ITGA6: variants seen among roughly 807,000 people sequenced by gnomAD.
ITGA6 encodes integrin subunit alpha 6, also known as integrin alpha-6.
Under a neutral mutation model 133.6 loss-of-function variants are expected in ITGA6, and 63 were observed. The ratio of observed to expected loss-of-function variants is 0.47; its 90% CI spans 0.38 to 0.58. ITGA6 has a LOEUF of 0.58. Among genes scored for constraint, ITGA6 ranks in the 20% least tolerant of loss-of-function variants. ITGA6 has a pLI of 0.00. For missense variants in ITGA6, 1,068 were observed against 1,309.4 expected, an observed-to-expected ratio of 0.82 and a Z score of 2.85; for synonymous variants, 434 against 482.0, an observed-to-expected ratio of 0.90 and a Z score of 1.30.
Position 172,504,466 on chromosome 2 carries a change from C to T in ITGA6, c.*398C>T. On this transcript the variant is annotated 3_prime_UTR_variant, in exon 26 of 26. Coordinates refer to ENST00000684293, the MANE Select transcript of ITGA6 (RefSeq NM_000210.4). Reference sequence around the variant, plus strand: ...TTTAAAACTGTTGGAATGGATTTTTCTTTAACTGCCGTAATTTAACTTTCT... The same window carrying T: ...TTTAAAACTGTTGGAATGGATTTTTTTTTAACTGCCGTAATTTAACTTTCT... The T allele has an allele frequency of 4.9e-6, 2 of 410,546 alleles. No individual in the cohort carries two copies. The highest frequency in any genetic ancestry group is 6.8e-4 in the Middle Eastern group (1 of 1,472). 25.4% of individuals were successfully genotyped at this position (410,546 alleles called of 1,614,324 possible). A position where few individuals can be genotyped will look rare whatever the true frequency, so the allele number is the denominator to read the frequency against.
Position 172,491,672 on chromosome 2 carries a change from C to A in ITGA6, c.2988+149C>A. 1 of 692,796 alleles carries A rather than the reference C, an allele frequency of 1.4e-6. No individual in the cohort carries two copies. Among genetic ancestry groups the A allele is most frequent in the Non-Finnish European group, 2.6e-6 (1 of 381,050 alleles). 42.9% of individuals were successfully genotyped at this position (692,796 alleles called of 1,614,324 possible). Reference sequence around the variant, plus strand: ...TGTCTTAAGGTACTGGCACTGCAAGCTGTATTTTAATAGAATCATTGAAAA... The same window carrying A: ...TGTCTTAAGGTACTGGCACTGCAAGATGTATTTTAATAGAATCATTGAAAA... On this transcript the variant is annotated intron_variant, in intron 23 of 25. Transcript: ENST00000684293. The surrounding 1 kb of genome is among the most constrained non-coding windows in gnomAD (Gnocchi z 4.4).
At chr2:172,489,282 T>G (rs867204739) in intron 19 of ITGA6, among the ~76,000 whole-genome samples, 6 of 152,266 alleles carry the variant, frequency 3.9e-5, no homozygotes, top group Middle Eastern at 3.2e-3. Context: ...AGTTGTCCTT[T>G]GACCTTTTTG....
intron 1 of ITGA6, among the ~76,000 whole-genome samples, chr2:172,458,845 T>C (rs1685316788): frequency 6.6e-6 from 1 of 152,102 alleles, no homozygotes; most frequent in African/African-American, 2.4e-5. Context: ...TTTGGGAACA[T>C]GTTAAACCCA....
intron 23 of ITGA6, chr2:172,495,497 C>T (rs1687089973): frequency 6.6e-6 from 1 of 152,202 alleles, no homozygotes; most frequent in Non-Finnish European, 1.5e-5. Context: ...CCCTTGTTCT[C>T]AATCCCAGCT....
intron 23 of ITGA6, among the ~76,000 whole-genome samples, chr2:172,493,232 A>G (rs1686995730): frequency 6.6e-6 from 1 of 152,138 alleles, no homozygotes; most frequent in South Asian, 2.1e-4. Flanking sequence ...CCTGAGACAA[A>G]TGCTGTACTG....
intron 1 of ITGA6, among the ~76,000 whole-genome samples, chr2:172,440,211 TAAGAAC>T (rs776528949): frequency 2.6e-5 from 4 of 152,218 alleles, no homozygotes; most frequent in Non-Finnish European, 5.9e-5. Context: ...GTGAGCTTCT[TAAGAAC>T]AAGGCTGACA....
chr2:172,462,725 T>A (rs905019326), intron 1 of ITGA6, among the ~76,000 whole-genome samples: 4 of 152,124 alleles, frequency 2.6e-5, no homozygotes, highest in African/African-American at 9.7e-5. Flanking sequence ...GGCATGTAAA[T>A]GGGACAACCT....
chr2:172,497,483 CAG>C (rs1253512694), intron 23 of ITGA6, among the ~76,000 whole-genome samples: 1 of 128,732 alleles, frequency 7.8e-6, no homozygotes, highest in Non-Finnish European at 1.6e-5. Flanking sequence ...ACCTGGGCAA[CAG>C]AGTGAGACCC....
At chr2:172,473,931 G>C in intron 5 of ITGA6, 124 bp from the exon 6 acceptor site, 2 of 652,546 alleles carry the variant, frequency 3.1e-6, no homozygotes, top group Non-Finnish European at 5.5e-6. Flanking sequence ...GTGATAGCTG[G>C]TGGGAGGGTC....
At chr2:172,467,632 A>G in intron 3 of ITGA6, 72 bp downstream of exon 3, 1 of 1,127,428 alleles carries the variant, frequency 8.9e-7, no homozygotes. Context: ...GGCTTACAGC[A>G]GGGGACAGCA....
intron 9 of ITGA6, 102 bp from the exon 10 acceptor site, chr2:172,479,539 T>C (rs1686334649): frequency 1.1e-6 from 1 of 942,194 alleles, no homozygotes; most frequent in Admixed American, 1.7e-5. Context: ...TCCTGTGTTT[T>C]TAAGCTGTGC....
chr2:172,455,052 G>A lies in ITGA6; in HGVS notation c.183-10487G>A, dbSNP rs555390307. Among the ~76,000 whole-genome samples the A allele has an allele frequency of 6.6e-5, 10 of 152,348 alleles. No homozygotes were observed. In the South Asian group the frequency reaches 1.0e-3, roughly 16 times the overall value. ...AACAGATCCTCCCCTACAACCTTTA[G>A]GAAGGAATGCAGCCAAGTGAGACCT... On this transcript the variant is annotated intron_variant, in intron 1 of 25. Coordinates refer to ENST00000684293, the MANE Select transcript of ITGA6 (RefSeq NM_000210.4).
At position 172,480,003 on chromosome 2, in the gene ITGA6, T is replaced by A; in HGVS notation, c.1501T>A (p.Ser501Thr). 6.3e-7 allele frequency: 1 copy of A among 1,595,692 alleles called. No individual in the cohort carries two copies. Among genetic ancestry groups the A allele is most frequent in the Non-Finnish European group, 8.6e-7 (1 of 1,163,218 alleles). The change falls in exon 11 of 26, where the codon TCC becomes ACC. Residue 501 changes from serine (S) to threonine (T), a missense_variant. Physicochemically the swap from Ser to Thr is moderately conservative, Grantham distance 58 (BLOSUM62 1). Coordinates refer to ENST00000684293, the MANE Select transcript of ITGA6 (RefSeq NM_000210.4). ...APSGICLQVK[S>T]CFEYTANPAG... Reference sequence around the variant, plus strand: ...GATTTTATTCAGCCTCCAGGTTAAATCCTGTTTTGAATATACTGCTAACCC... The same window carrying A: ...GATTTTATTCAGCCTCCAGGTTAAAACCTGTTTTGAATATACTGCTAACCC...
intron 1 of ITGA6, chr2:172,428,196 A>G: frequency 3.7e-6 from 1 of 270,866 alleles, no homozygotes; most frequent in African/African-American, 2.2e-5. Flanking sequence ...CCCGAGGGCT[A>G]GGCTGGGCCC....
chr2:172,476,643 T>C, intron 9 of ITGA6, 130 bp downstream of exon 9: 2 of 696,174 alleles, frequency 2.9e-6, no homozygotes, highest in Non-Finnish European at 5.3e-6. Flanking sequence ...CTATTTCTTT[T>C]TCTTTTGAAG....
rs745810797 is a variant in ITGA6 at position 172,427,762 on chromosome 2, C to A, written c.-27C>A. 1.3e-6 allele frequency: 2 copies of A among 1,557,086 alleles called. No homozygotes were observed. Among genetic ancestry groups the A allele is most frequent in the South Asian group, 2.4e-5 (2 of 85,066 alleles). The stretch of plus-strand genomic sequence containing the variant: ...GAGCGCAGGGCGGCCGCTGCAGGTC[C>A]CCGCTCCCCTCCCCGTGCGTCCGCC... On this transcript the variant is annotated 5_prime_UTR_variant, in exon 1 of 26. Coordinates refer to ENST00000684293, the MANE Select transcript of ITGA6 (RefSeq NM_000210.4).
intron 1 of ITGA6, among the ~76,000 whole-genome samples, chr2:172,441,481 A>T: frequency 6.9e-6 from 1 of 144,920 alleles, no homozygotes; most frequent in Admixed American, 7.1e-5. Flanking sequence ...GCCTGAGCCT[A>T]GGAACTCAAG....
chr2:172,427,864 T>A lies in ITGA6; in HGVS notation c.76T>A (p.Leu26Met). The change falls in exon 1 of 26, where the codon TTG becomes ATG. Residue 26 changes from leucine (L) to methionine (M), a missense_variant. Transcript: ENST00000684293. ...GTCCCGGCTCGGCGCAGCCTTCAAC[T>A]TGGACACTCGGGAGGACAACGTGAT... is the stretch of plus-strand genomic sequence containing the variant. The part of the protein sequence containing the change: ...LLSRLGAAFN[L>M]DTREDNVIRK... 6.2e-7 allele frequency: 1 copy of A among 1,607,102 alleles called. No individual in the cohort carries two copies. The highest frequency in any genetic ancestry group is 8.5e-7 in the Non-Finnish European group (1 of 1,177,264).
At chr2:172,433,632 A>C (rs1269525462) in intron 1 of ITGA6, among the ~76,000 whole-genome samples, 1 of 152,218 alleles carries the variant, frequency 6.6e-6, no homozygotes, top group South Asian at 2.1e-4. Context: ...CGGCATGTCT[A>C]GCAAACTTGG....
Sources: allele counts gnomAD v4.1 joint callset (sites outside exome capture counted in the v4.1 genomes callset), GRCh38; gene constraint gnomAD v4.1.1; non-coding constraint Gnocchi (gnomAD v3.1); transcripts MANE v1.5; gene names NCBI Gene and HGNC (gene_info 2026-07-23, HGNC 2026-07-21).